KTN1: variants seen among roughly 807,000 people sequenced by gnomAD.
KTN1 encodes kinectin.
Under a neutral mutation model 222.5 loss-of-function variants are expected in KTN1, and 130 were observed. That is an observed-to-expected ratio of 0.58 (90% CI 0.51 to 0.68). KTN1 has a LOEUF of 0.68. Among genes scored for constraint, KTN1 ranks in the 30% least tolerant of loss-of-function variants. The probability of loss-of-function intolerance (pLI) is 0.00; values close to 1 mark genes in which losing one functional copy is unlikely to be tolerated. For synonymous variants in KTN1, 512 were observed against 496.3 expected (o/e 1.03, Z -0.42); for missense variants, 1,508 against 1,500.4 (o/e 1.01, Z -0.08).
intron 31 of KTN1, 65 bp downstream of exon 31, chr14:55,659,768 C>G (rs775625973): frequency 5.4e-6 from 5 of 926,564 alleles, no homozygotes; most frequent in East Asian, 2.4e-5. Flanking sequence ...AAACCATTCT[C>G]AAATAAGCAA....
At chr14:55,640,097 G>A (rs1378685131) in intron 14 of KTN1, 94 bp downstream of exon 14, 1 of 794,134 alleles carries the variant, frequency 1.3e-6, no homozygotes, top group Admixed American at 2.3e-5. Context: ...ATGAAAAATG[G>A]AAAATAGTCT....
intron 5 of KTN1, among the ~76,000 whole-genome samples, chr14:55,621,692 A>G (rs1351788592): frequency 6.6e-6 from 1 of 152,156 alleles, no homozygotes; most frequent in Non-Finnish European, 1.5e-5. Flanking sequence ...TGGGAATTAT[A>G]GGAGCTACAA....
chr14:55,665,717 C>G (rs2044659982), intron 33 of KTN1, among the ~76,000 whole-genome samples: 2 of 151,978 alleles, frequency 1.3e-5, no homozygotes, highest in Admixed American at 6.6e-5. Flanking sequence ...ATACATTTCA[C>G]TTAAAGATGG....
At chr14:55,615,819 TCCTTC>T (rs567601697) in intron 2 of KTN1, among the ~76,000 whole-genome samples, 10 of 151,928 alleles carry the variant, frequency 6.6e-5, no homozygotes, top group Admixed American at 2.6e-4. Context: ...TTCCTTCCTT[TCCTTC>T]CCTTCCCTTC....
At chr14:55,613,557 G>A (rs1433959415) in intron 2 of KTN1, among the ~76,000 whole-genome samples, 2 of 148,786 alleles carry the variant, frequency 1.3e-5, no homozygotes, top group East Asian at 3.9e-4. Context: ...GCAGTGGTGC[G>A]ATCTTGGCTC....
intron 16 of KTN1, 30 bp from the exon 17 acceptor site, chr14:55,641,097 G>A (rs757945598): frequency 4.0e-6 from 6 of 1,512,592 alleles, no homozygotes; most frequent in Non-Finnish European, 5.4e-6. Context: ...AATGTATGAA[G>A]TATTTTAATT....
At chr14:55,674,962 A>G (rs2045769139) in intron 40 of KTN1, 2 of 152,184 alleles carry the variant, frequency 1.3e-5, no homozygotes, top group Non-Finnish European at 2.9e-5. Flanking sequence ...AAGGACCAGA[A>G]TTTATTTGGG....
chr14:55,596,154 C>CAAAAAAAAAAAAAAA (rs71448460), intron 1 of KTN1, among the ~76,000 whole-genome samples: 46 of 60,934 alleles, frequency 7.5e-4, no homozygotes, highest in Non-Finnish European at 1.0e-3. Flanking sequence ...GACTCAATAG[C>CAAAAAAAAAAAAAAA]AAAAAAAAAA....
At position 55,659,949 on chromosome 14, in the gene KTN1, CATCAA is replaced by C. The variant is rs1378703830; in HGVS notation, c.2999+252_2999+256del. ...TTTGTTTTTTTAGGCATTCAGAAAA[CATCAA>C]ATCAAGTTAAACTATACTTTGCAGG... On this transcript the variant is annotated intron_variant, in intron 31 of 43. Coordinates refer to ENST00000395314, the MANE Select transcript of KTN1 (RefSeq NM_001079521.2). 2.6e-5 allele frequency among the ~76,000 whole-genome samples: 4 copies of C among 152,146 alleles called. 1 individual carries two copies. The highest frequency in any genetic ancestry group is 2.0e-4 in the Admixed American group (3 of 15,272).
chr14:55,619,565 G>T (rs376975136), intron 5 of KTN1, among the ~76,000 whole-genome samples: 2 of 152,256 alleles, frequency 1.3e-5, no homozygotes, highest in East Asian at 1.9e-4. Context: ...GGCTGGGGAG[G>T]CCTCACAATC....
At chr14:55,646,391 G>T (rs573655275) in intron 18 of KTN1, among the ~76,000 whole-genome samples, 3 of 151,188 alleles carry the variant, frequency 2.0e-5, no homozygotes, top group African/African-American at 7.3e-5. Flanking sequence ...ATGTTTGTCT[G>T]TCTTTCTTTC....
At chr14:55,639,887 A>T in intron 13 of KTN1, 26 bp from the exon 14 acceptor site, 1 of 1,348,062 alleles carries the variant, frequency 7.4e-7, no homozygotes, top group Non-Finnish European at 1.1e-6. Flanking sequence ...TGTTTATTGA[A>T]TGTACAAATG....
intron 35 of KTN1, 143 bp from the exon 36 acceptor site, chr14:55,671,423 C>A: frequency 1.7e-6 from 1 of 603,792 alleles, no homozygotes; most frequent in Non-Finnish European, 2.9e-6. Context: ...TTCATCGCTA[C>A]TTAGAAAGGT....
chr14:55,597,383 G>T (rs1312512305), intron 1 of KTN1, among the ~76,000 whole-genome samples: 1 of 152,146 alleles, frequency 6.6e-6, no homozygotes, highest in Non-Finnish European at 1.5e-5. Flanking sequence ...TAATTTCAGT[G>T]AATCAGAATG....
intron 18 of KTN1, among the ~76,000 whole-genome samples, chr14:55,642,411 G>A (rs893706940): frequency 6.6e-6 from 1 of 152,094 alleles, no homozygotes; most frequent in Admixed American, 6.5e-5. Context: ...CTTTGAATAA[G>A]CATGGTTCCA....
Position 55,650,367 on chromosome 14 carries a change from G to T in KTN1, c.2445G>T (p.Glu815Asp). The T allele has an allele frequency of 6.2e-7, 1 of 1,611,238 alleles. No homozygotes were observed. The highest frequency in any genetic ancestry group is 8.5e-7 in the Non-Finnish European group (1 of 1,178,912). Residue 815 changes from glutamate (E) to aspartate (D), a missense_variant, in exon 23 of 44, where the codon GAG (glutamate) becomes GAT (aspartate). Coordinates refer to ENST00000395314, the MANE Select transcript of KTN1 (RefSeq NM_001079521.2). Reference protein sequence around the residue: ...EKDGKIKSVEELLEAELLKVA... With the variant: ...EKDGKIKSVEDLLEAELLKVA... ...ATGGAAAGATCAAGTCTGTAGAAGA[G>T]CTTCTGGAGGCAGAACTTCTCAAAG...
rs2045355452 is a variant in KTN1 at position 55,670,630 on chromosome 14, T to C, written c.3268-99T>C. On this transcript the variant is annotated intron_variant, in intron 34 of 43. Transcript: ENST00000395314. The stretch of plus-strand genomic sequence containing the variant: ...TCCTGTTTGTCTGTGTAGGTTTCTT[T>C]TATAATTATCTAATTTGGTTATTTT... 5.1e-6 allele frequency: 4 copies of C among 779,998 alleles called. No individual in the cohort carries two copies. The East Asian group carries it at 1.1e-4, about 22-fold the overall frequency. 48.3% of individuals were successfully genotyped at this position (779,998 alleles called of 1,614,324 possible).
At chr14:55,635,767 A>C (rs2041052820) in intron 9 of KTN1, among the ~76,000 whole-genome samples, 1 of 152,218 alleles carries the variant, frequency 6.6e-6, no homozygotes, top group East Asian at 1.9e-4. Context: ...CCTCATTATA[A>C]TAGATTCCTA....
Position 55,628,029 on chromosome 14 carries a change from G to C in KTN1, c.1080+1G>C, listed in dbSNP as rs1374377390. The C allele has an allele frequency of 6.3e-7, 1 of 1,576,710 alleles. No homozygotes were observed. The highest frequency in any genetic ancestry group is 8.7e-7 in the Non-Finnish European group (1 of 1,146,714). ...GGATCGGTGTAAGCAGTTAACCCAGGTGAAGACATTCTTATGTACGAGGGA... is the reference window on the plus strand; with the variant it reads ...GGATCGGTGTAAGCAGTTAACCCAGCTGAAGACATTCTTATGTACGAGGGA... On this transcript the variant is annotated splice_donor_variant, in intron 6 of 43. Transcript: ENST00000395314. LOFTEE classifies it high-confidence loss of function.
Sources: allele counts gnomAD v4.1 joint callset (sites outside exome capture counted in the v4.1 genomes callset), GRCh38; gene constraint gnomAD v4.1.1; transcripts MANE v1.5; gene names NCBI Gene and HGNC (gene_info 2026-07-23, HGNC 2026-07-21).